The following TMEM135 variants were observed in gnomAD, a reference collection of about 807,000 sequenced individuals.
TMEM135 encodes the protein transmembrane protein 135.
In TMEM135, 30 loss-of-function variants were observed where a neutral mutation model predicts 60.3. The observed-to-expected ratio is 0.50, with a 90% confidence interval of 0.37 to 0.68. TMEM135 has a LOEUF of 0.68. Among genes scored for constraint, TMEM135 ranks in the 30% least tolerant of loss-of-function variants. TMEM135 has a pLI of 0.00. For synonymous variants in TMEM135, 190 were observed against 186.7 expected, an observed-to-expected ratio of 1.02 and a Z score of -0.14; for missense variants, 468 against 548.8, an observed-to-expected ratio of 0.85 and a Z score of 1.47.
At chr11:87,300,517 A>T (rs751553302) in intron 7 of TMEM135, among the ~76,000 whole-genome samples, 2 of 152,240 alleles carry the variant, frequency 1.3e-5, no homozygotes, top group Non-Finnish European at 2.9e-5. Flanking sequence ...TAACCATGCC[A>T]ACTCTCGTGG....
At chr11:87,111,153 A>G (rs1488444889) in intron 4 of TMEM135, among the ~76,000 whole-genome samples, 5 of 152,332 alleles carry the variant, frequency 3.3e-5, no homozygotes, top group African/African-American at 7.2e-5. Context: ...AGAAATGCTT[A>G]GTTATTTTTC....
intron 1 of TMEM135, 137 bp downstream of exon 1, chr11:87,038,323 G>A: frequency 1.1e-6 from 1 of 917,742 alleles, no homozygotes; most frequent in Non-Finnish European, 1.7e-6. Flanking sequence ...GTGTTTTGGG[G>A]GGTCGGTAGG....
chr11:87,198,695 T>C (rs1416012685), intron 5 of TMEM135, among the ~76,000 whole-genome samples: 2 of 150,728 alleles, frequency 1.3e-5, no homozygotes, highest in Non-Finnish European at 3.0e-5. Flanking sequence ...ATTTCTTCCC[T>C]CCCTCTCTTT....
chr11:87,222,393 G>A (rs1170136643), intron 5 of TMEM135, among the ~76,000 whole-genome samples: 1 of 150,548 alleles, frequency 6.6e-6, no homozygotes, highest in Non-Finnish European at 1.5e-5. Context: ...AGCTACTCGG[G>A]AGGCTGAGGC....
rs969928709 is a variant in TMEM135, at chr11:87,302,532, A to G, written c.698+90A>G. ...CCAAGGTTATTTTTGTTTTCTATTC[A>G]GGTAATGATGATCATTTTTCACCAG... On this transcript the variant is annotated intron_variant, in intron 8 of 14. Transcript: ENST00000305494. 4.8e-5 allele frequency: 73 copies of G among 1,517,240 alleles called. 4 individuals carry two copies. Among genetic ancestry groups the G allele is most frequent in the Admixed American group, 3.4e-5 (2 of 59,400 alleles). The allele number at this position is 1,517,240 out of a possible 1,614,324, so 94.0% of individuals were successfully genotyped here. A position where few individuals can be genotyped will look rare whatever the true frequency, so the allele number is the denominator to read the frequency against.
Position 87,324,638 on chromosome 11 carries a change from C to T in TMEM135, c.*3305C>T. The T allele has an allele frequency of 2.2e-6, 1 of 448,114 alleles. No individual in the cohort carries two copies. The highest frequency in any genetic ancestry group is 4.4e-6 in the Non-Finnish European group (1 of 225,414). 27.8% of individuals were successfully genotyped at this position (448,114 alleles called of 1,614,324 possible). On this transcript the variant is annotated 3_prime_UTR_variant, in exon 15 of 15. Coordinates refer to ENST00000305494, the MANE Select transcript of TMEM135 (RefSeq NM_022918.4). ...TAGAAACAAGGTGTTGCTATGTTGT[C>T]CAGGCTGGTCTTAAACTCCTGGCCT...
intron 6 of TMEM135, among the ~76,000 whole-genome samples, chr11:87,257,506 A>G (rs1360398829): frequency 2.0e-5 from 3 of 152,118 alleles, no homozygotes; most frequent in African/African-American, 7.2e-5. Flanking sequence ...TGTGCCTCAC[A>G]TTTCTCGTCT....
chr11:87,276,151 G>C (rs10898651), intron 6 of TMEM135, among the ~76,000 whole-genome samples: 1 of 151,864 alleles, frequency 6.6e-6, no homozygotes, highest in Non-Finnish European at 1.5e-5. Flanking sequence ...GGACACTAAC[G>C]CACATAAATC....
chr11:87,222,708 G>T (rs1245496941), intron 5 of TMEM135, among the ~76,000 whole-genome samples: 1 of 151,984 alleles, frequency 6.6e-6, no homozygotes, highest in Non-Finnish European at 1.5e-5. Context: ...GGAGGCTGAG[G>T]CAGGAGAATG....
chr11:87,225,957 A>G (rs1397133061), intron 5 of TMEM135, among the ~76,000 whole-genome samples: 1 of 151,914 alleles, frequency 6.6e-6, no homozygotes, highest in Non-Finnish European at 1.5e-5. Context: ...CTCCATGTTC[A>G]TTGGTTACTT....
intron 5 of TMEM135, among the ~76,000 whole-genome samples, chr11:87,198,286 G>C (rs1311222346): frequency 6.6e-6 from 1 of 152,124 alleles, no homozygotes; most frequent in Non-Finnish European, 1.5e-5. Flanking sequence ...CTACACATTT[G>C]TATTAGGATA....
chr11:87,216,864 C>A (rs1400912963), intron 5 of TMEM135, among the ~76,000 whole-genome samples: 1 of 151,906 alleles, frequency 6.6e-6, no homozygotes, highest in Non-Finnish European at 1.5e-5. Context: ...ACACAGCAAT[C>A]CAAAATTTAG....
Position 87,081,995 on chromosome 11 carries a change from CAGT to C in TMEM135, c.363-9366_363-9364del, listed in dbSNP as rs1373827279. ...TAGTTCTTTTGTTTATTAGGTGATG[CAGT>C]TAACAATACTGGGAGATAGCTCTGT... On this transcript the variant is annotated intron_variant, in intron 3 of 14. Coordinates refer to ENST00000305494, the MANE Select transcript of TMEM135 (RefSeq NM_022918.4). Among the ~76,000 whole-genome samples the C allele has an allele frequency of 5.3e-5, 8 of 152,116 alleles. No homozygotes were observed. The East Asian group carries it at 1.5e-3, about 29-fold the overall frequency.
At chr11:87,123,218 C>G (rs374454080) in intron 4 of TMEM135, among the ~76,000 whole-genome samples, 1 of 152,198 alleles carries the variant, frequency 6.6e-6, no homozygotes, top group Non-Finnish European at 1.5e-5. Context: ...AATTTATTCT[C>G]TCTCAGTTCA....
At chr11:87,239,963 A>G (rs1008529820) in intron 6 of TMEM135, among the ~76,000 whole-genome samples, 2 of 152,002 alleles carry the variant, frequency 1.3e-5, no homozygotes, top group African/African-American at 4.8e-5. Flanking sequence ...ATATTATCTC[A>G]TATGTTATAA....
intron 5 of TMEM135, among the ~76,000 whole-genome samples, chr11:87,207,857 G>A (rs561463): frequency 0.13 from 19,512 of 152,138 alleles, 1,311 homozygotes; most frequent in Non-Finnish European, 0.15. Flanking sequence ...CTGGGAGCAC[G>A]TTGACTCCTC....
intron 4 of TMEM135, among the ~76,000 whole-genome samples, chr11:87,114,585 C>T (rs2451066): frequency 0.69 from 104,210 of 152,070 alleles, 37,245 homozygotes; most frequent in East Asian, 0.88. Context: ...TGTCATTACA[C>T]TGATGTTCAA....
At chr11:87,197,559 C>A (rs139963432) in intron 5 of TMEM135, among the ~76,000 whole-genome samples, 241 of 151,494 alleles carry the variant, frequency 1.6e-3, no homozygotes, top group African/African-American at 5.7e-3. Context: ...TGATAGATTT[C>A]TTTATGATGG....
At chr11:87,267,493 G>GA (rs1390401358) in intron 6 of TMEM135, among the ~76,000 whole-genome samples, 2 of 152,020 alleles carry the variant, frequency 1.3e-5, no homozygotes, top group African/African-American at 2.4e-5. Flanking sequence ...GTGTTTTTGT[G>GA]AAAAAAACCA....
Sources: allele counts gnomAD v4.1 joint callset (sites outside exome capture counted in the v4.1 genomes callset), GRCh38; gene constraint gnomAD v4.1.1; transcripts MANE v1.5; gene names NCBI Gene and HGNC (gene_info 2026-07-23, HGNC 2026-07-21).